The following SPAM1 variants were observed in gnomAD, a reference collection of about 807,000 sequenced individuals.
SPAM1 encodes the protein sperm adhesion molecule 1.
In SPAM1, 22 loss-of-function variants were observed where a neutral mutation model predicts 29.6. The observed-to-expected ratio is 0.74, with a 90% confidence interval of 0.53 to 1.06. The LOEUF is 1.06. SPAM1 is among the 50% of genes least tolerant of loss of function. The pLI, the probability that SPAM1 is intolerant of heterozygous loss-of-function variation, is 0.00. For missense variants in SPAM1, 534 were observed against 604.0 expected, an observed-to-expected ratio of 0.88 and a Z score of 1.21; for synonymous variants, 194 against 204.6, an observed-to-expected ratio of 0.95 and a Z score of 0.44.
chr7:123,941,952 A>G (rs1330753399), intron 1 of SPAM1, among the ~76,000 whole-genome samples: 1 of 152,182 alleles, frequency 6.6e-6, no homozygotes, highest in Non-Finnish European at 1.5e-5. Context: ...CTACAGAAAG[A>G]AAATAGGGAG....
chr7:123,969,910 T>C (rs773823868), intron 5 of SPAM1, among the ~76,000 whole-genome samples: 2 of 152,144 alleles, frequency 1.3e-5, no homozygotes, highest in African/African-American at 2.4e-5. Context: ...AGCTTTGATG[T>C]ATGGTGAAGG....
intron 2 of SPAM1, among the ~76,000 whole-genome samples, chr7:123,953,122 A>T (rs1792152404): frequency 6.6e-6 from 1 of 152,074 alleles, no homozygotes; most frequent in African/African-American, 2.4e-5. Flanking sequence ...GCAAAAGGAA[A>T]ATAGCTACAT....
intron 1 of SPAM1, among the ~76,000 whole-genome samples, chr7:123,948,857 G>A (rs1229284501): frequency 6.6e-6 from 1 of 152,030 alleles, no homozygotes; most frequent in East Asian, 1.9e-4. Context: ...TCTGAAGGCA[G>A]TGTCTTGACT....
chr7:123,967,556 A>G (rs1018147678), intron 5 of SPAM1, among the ~76,000 whole-genome samples: 2 of 151,732 alleles, frequency 1.3e-5, no homozygotes, highest in Non-Finnish European at 2.9e-5. Flanking sequence ...AGACTCCAAT[A>G]TAGTATTTGT....
At chr7:123,937,701 A>T (rs1808301455) in intron 1 of SPAM1, among the ~76,000 whole-genome samples, 1 of 152,128 alleles carries the variant, frequency 6.6e-6, no homozygotes, top group Non-Finnish European at 1.5e-5. Context: ...GTATTTTTAA[A>T]GAGTTAAGTG....
chr7:123,944,546 G>C (rs1808516874), intron 1 of SPAM1, among the ~76,000 whole-genome samples: 2 of 152,164 alleles, frequency 1.3e-5, no homozygotes, highest in African/African-American at 4.8e-5. Flanking sequence ...TGTGACTGCT[G>C]CTCCCTGTGG....
downstream of SPAM1, among the ~76,000 whole-genome samples, chr7:123,964,425 A>G (rs1792397142): frequency 6.6e-6 from 1 of 151,934 alleles, no homozygotes; most frequent in Admixed American, 6.6e-5. Flanking sequence ...TATAAGGAAA[A>G]GGATAAATAT....
At chr7:123,936,428 A>G (rs1808245997) in intron 1 of SPAM1, among the ~76,000 whole-genome samples, 1 of 152,212 alleles carries the variant, frequency 6.6e-6, no homozygotes, top group Non-Finnish European at 1.5e-5. Flanking sequence ...ACCAGCTGGT[A>G]TCAGTAGTTT....
At position 123,959,564 on chromosome 7, in the gene SPAM1, G is replaced by A. The variant is rs1792321636; in HGVS notation, c.1125G>A (p.Met375Ile). Residue 375 changes from methionine (M) to isoleucine (I), a missense_variant, in exon 5 of 5, where the codon ATG becomes ATA. By Grantham distance (10) the Met-to-Ile change is conservative. Coordinates refer to ENST00000682466, the MANE Select transcript of SPAM1 (RefSeq NM_153189.3). ...YIINVTLAAK[M>I]CSQVLCQEQG... ...TCAACGTCACACTAGCAGCCAAAAT[G>A]TGTAGCCAAGTGCTTTGCCAGGAGC... is the stretch of plus-strand genomic sequence containing the variant. The A allele has an allele frequency of 3.7e-6, 6 of 1,613,028 alleles. No homozygotes were observed. Among genetic ancestry groups the A allele is most frequent in the African/African-American group, 1.3e-5 (1 of 74,828 alleles).
Position 123,937,339 on chromosome 7 carries a change from C to T in SPAM1, c.-319+11987C>T, listed in dbSNP as rs192437197. Among the ~76,000 whole-genome samples, 180 of 152,246 alleles carry T rather than the reference C, an allele frequency of 1.2e-3. 2 individuals are homozygous for T. In the East Asian group the frequency reaches 0.024, roughly 20 times the overall value. ...ACTTCAGGCCGGGCGCGGTGGCTCA[C>T]GCCTGTAATCCCAGCATTTTGGGAG... On this transcript the variant is annotated intron_variant, in intron 1 of 4. Coordinates refer to ENST00000682466, the MANE Select transcript of SPAM1 (RefSeq NM_153189.3).
chr7:123,933,183 C>T (rs533325395), intron 1 of SPAM1, among the ~76,000 whole-genome samples: 11 of 151,742 alleles, frequency 7.2e-5, no homozygotes, highest in Admixed American at 1.3e-4. Context: ...TTAAGCCTCG[C>T]GTGCATTAGG....
chr7:123,957,225 A>G (rs1264149824), intron 4 of SPAM1, among the ~76,000 whole-genome samples: 1 of 152,038 alleles, frequency 6.6e-6, no homozygotes, highest in Non-Finnish European at 1.5e-5. Context: ...GAATTTAAAC[A>G]GAGATATGGA....
chr7:123,930,717 T>C (rs1001861934), intron 1 of SPAM1, among the ~76,000 whole-genome samples: 5 of 152,048 alleles, frequency 3.3e-5, no homozygotes, highest in Non-Finnish European at 4.4e-5. Context: ...TGAGAGCAAA[T>C]GAGACATAGG....
intron 2 of SPAM1, among the ~76,000 whole-genome samples, chr7:123,950,238 A>G (rs761018949): frequency 2.6e-5 from 4 of 152,106 alleles, no homozygotes; most frequent in Non-Finnish European, 5.9e-5. Flanking sequence ...ATTTTGTAAT[A>G]GTATCTTTTT....
At chr7:123,950,695 G>A (rs139068581) in intron 2 of SPAM1, among the ~76,000 whole-genome samples, 32 of 152,184 alleles carry the variant, frequency 2.1e-4, no homozygotes, top group Admixed American at 1.2e-3. Context: ...CCATGACTTT[G>A]CTCTTGTGAA....
intron 1 of SPAM1, among the ~76,000 whole-genome samples, chr7:123,947,447 G>A (rs1218693715): frequency 6.6e-6 from 1 of 152,070 alleles, no homozygotes; most frequent in African/African-American, 2.4e-5. Flanking sequence ...CTACTTGGGA[G>A]GCTGAAGTGG....
At chr7:123,929,895 A>ATTTTTTTTTT (rs71163712) in intron 1 of SPAM1, among the ~76,000 whole-genome samples, 7,109 of 119,012 alleles carry the variant, frequency 0.06, 427 homozygotes, top group Non-Finnish European at 0.096. Flanking sequence ...GTGTTTAGGG[A>ATTTTTTTTTT]TTTTTTTTTT....
At chr7:123,969,954 T>C (rs1792476109) in intron 5 of SPAM1, among the ~76,000 whole-genome samples, 1 of 152,066 alleles carries the variant, frequency 6.6e-6, no homozygotes, top group African/African-American at 2.4e-5. Context: ...GCTAGCTCTG[T>C]ATTTTAAGAG....
intron 5 of SPAM1, chr7:123,970,127 T>C: frequency 6.7e-7 from 1 of 1,490,516 alleles, no homozygotes; most frequent in Non-Finnish European, 9.1e-7. Context: ...TTGCTAGTGA[T>C]GCTATAACAA....
Sources: gnomAD v4.1 joint callset for allele counts (sites outside exome capture counted in the v4.1 genomes callset) on GRCh38, gnomAD v4.1.1 for gene constraint, MANE v1.5 for transcripts, NCBI Gene and HGNC (gene_info 2026-07-23, HGNC 2026-07-21) for gene names.